The following UTRN variants were observed in gnomAD, a reference collection of about 807,000 sequenced individuals.
The protein encoded by UTRN is dystrophin-related protein 1.
UTRN carries 283 observed loss-of-function variants against 463.9 expected under a neutral mutation model. The observed-to-expected ratio is 0.61, with a 90% CI of 0.55 to 0.67. The LOEUF is 0.67. Among genes scored for constraint, UTRN ranks in the 30% least tolerant of loss-of-function variants. UTRN has a pLI of 0.00. For synonymous variants in UTRN, 1,442 were observed against 1,431.5 expected (o/e 1.01, Z -0.17); for missense variants, 3,922 against 4,084.3 (o/e 0.96, Z 1.08).
At chr6:144,442,692 C>T (rs1449529443) in intron 13 of UTRN, among the ~76,000 whole-genome samples, 1 of 152,114 alleles carries the variant, frequency 6.6e-6, no homozygotes, top group Admixed American at 6.6e-5. Context: ...ATAATGAGAA[C>T]AGCATGGGAA....
chr6:144,610,983 C>T (rs1411150685), intron 51 of UTRN, among the ~76,000 whole-genome samples: 1 of 152,138 alleles, frequency 6.6e-6, no homozygotes, highest in East Asian at 1.9e-4. Context: ...AAACCAAATT[C>T]AGGAGCACAT....
At chr6:144,826,161 A>AAAATAAATAAAT (rs372490067) in intron 66 of UTRN, among the ~76,000 whole-genome samples, 12,656 of 148,596 alleles carry the variant, frequency 0.085, 816 homozygotes, top group East Asian at 0.23. Flanking sequence ...AATAAAAGAA[A>AAAATAAATAAAT]AAATAAATAA....
intron 53 of UTRN, chr6:144,708,537 G>A (rs1448761031): frequency 5.8e-6 from 2 of 342,194 alleles, no homozygotes; most frequent in Non-Finnish European, 5.5e-6. Flanking sequence ...AAAAAACACA[G>A]TCCCTGTTTA....
chr6:144,677,044 T>C (rs1484091905), intron 51 of UTRN, among the ~76,000 whole-genome samples: 1 of 152,094 alleles, frequency 6.6e-6, no homozygotes, highest in African/African-American at 2.4e-5. Flanking sequence ...AGCTGGTACA[T>C]GAACTATAGA....
rs557957218 is a variant in UTRN at position 144,514,234 on chromosome 6, G to T, written c.5073+197G>T. Among the ~76,000 whole-genome samples the T allele has an allele frequency of 4.6e-5, 7 of 152,306 alleles. No homozygotes were observed. In the South Asian group the frequency reaches 1.5e-3, roughly 32 times the overall value. Reference sequence around the variant, plus strand: ...ACTTGAAATTGAAAGACTTGTAAGAGATTTCAGCACAATCAACCGGAGTAA... The same window carrying T: ...ACTTGAAATTGAAAGACTTGTAAGATATTTCAGCACAATCAACCGGAGTAA... On this transcript the variant is annotated intron_variant, in intron 36 of 74. Transcript: ENST00000367545.
intron 2 of UTRN, among the ~76,000 whole-genome samples, chr6:144,304,096 G>A (rs953411612): frequency 1.2e-4 from 19 of 152,196 alleles, no homozygotes; most frequent in Non-Finnish European, 2.8e-4. Context: ...ATGCTCTGCT[G>A]TGGAGGTTTT....
At chr6:144,623,811 A>G (rs1317751540) in intron 51 of UTRN, among the ~76,000 whole-genome samples, 1 of 152,174 alleles carries the variant, frequency 6.6e-6, no homozygotes, top group African/African-American at 2.4e-5. Flanking sequence ...ATTATCCTGC[A>G]TTGGTAGGGG....
chr6:144,356,166 C>T lies in UTRN; in HGVS notation c.80-46957C>T, dbSNP rs183001440. ...CATATGAATGACAATCATTACTTAT[C>T]GACATCTCAGGTTTTGTTAGATATG... On this transcript the variant is annotated intron_variant, in intron 2 of 74. Transcript: ENST00000367545. 4.6e-5 allele frequency among the ~76,000 whole-genome samples: 7 copies of T among 152,254 alleles called. No homozygotes were observed. In the East Asian group the frequency reaches 5.8e-4, roughly 13 times the overall value.
At position 144,751,885 on chromosome 6, in the gene UTRN, A is replaced by G; in HGVS notation, c.8288A>G (p.Asp2763Gly). ...NDLSSQLSPLDLHPSLKMSRQ... is the reference protein window; with the variant it reads ...NDLSSQLSPLGLHPSLKMSRQ... ...TTATCCAGTCAGCTGTCTCCACTTG[A>G]CCTGCATCCCTCTCTAAAGATGTCT... The change falls in exon 56 of 75, where the codon GAC (aspartate) becomes GGC (glycine). Residue 2763 changes from aspartate (D) to glycine (G), a missense_variant. Physicochemically the swap from Asp to Gly is moderately conservative, Grantham distance 94 (BLOSUM62 -1). Coordinates refer to ENST00000367545, the MANE Select transcript of UTRN (RefSeq NM_007124.3). The G allele has an allele frequency of 1.9e-6, 3 of 1,612,740 alleles. No individual in the cohort carries two copies. Among genetic ancestry groups the G allele is most frequent in the Non-Finnish European group, 2.5e-6 (3 of 1,179,360 alleles).
At chr6:144,808,347 T>C (rs1778327268) in intron 65 of UTRN, among the ~76,000 whole-genome samples, 1 of 152,216 alleles carries the variant, frequency 6.6e-6, no homozygotes, top group Non-Finnish European at 1.5e-5. Context: ...AAATAAATAG[T>C]TATATCTTAT....
intron 53 of UTRN, among the ~76,000 whole-genome samples, chr6:144,729,168 CATGAGATTTTCTGGATATAGAAA>C (rs1264385176): frequency 1.3e-5 from 2 of 152,158 alleles, no homozygotes; most frequent in Non-Finnish European, 2.9e-5. Context: ...TAAAGGCTAT[CATGAGATTTTCTGGATATAGAAA>C]ATGTAGCCCA....
chr6:144,398,063 T>A (rs568038815), intron 2 of UTRN: 92 of 239,352 alleles, frequency 3.8e-4, no homozygotes, highest in African/African-American at 2.1e-3. Context: ...TATTTCAATA[T>A]GGCGTCCGTG....
intron 46 of UTRN, 107 bp from the exon 47 acceptor site, chr6:144,548,533 A>G: frequency 9.2e-7 from 1 of 1,088,142 alleles, no homozygotes; most frequent in Non-Finnish European, 1.3e-6. Flanking sequence ...AATTTTTTTT[A>G]CTTAAACTAA....
intron 51 of UTRN, among the ~76,000 whole-genome samples, chr6:144,614,360 A>G (rs1805844628): frequency 2.0e-5 from 3 of 152,236 alleles, no homozygotes; most frequent in African/African-American, 4.8e-5. Context: ...CTACCAAATC[A>G]TAGGAAAAAA....
At chr6:144,445,846 T>G (rs6937775) in intron 14 of UTRN, among the ~76,000 whole-genome samples, 61,926 of 151,648 alleles carry the variant, frequency 0.41, 15,999 homozygotes, top group African/African-American at 0.72. Context: ...GACCAACATG[T>G]TGAAACCTGT....
At position 144,677,600 on chromosome 6, in the gene UTRN, G is replaced by A. The variant is rs190432058; in HGVS notation, c.7480-806G>A. Among the ~76,000 whole-genome samples the A allele has an allele frequency of 1.6e-3, 242 of 152,302 alleles. 1 individual carries two copies. In the Middle Eastern group the frequency reaches 0.02, roughly 13 times the overall value. On this transcript the variant is annotated intron_variant, in intron 51 of 74. Coordinates refer to ENST00000367545, the MANE Select transcript of UTRN (RefSeq NM_007124.3). ...TACATGTGCATTTGTCTGTATGGTA[G>A]AATGATTTATAATCCTTTGGGTATA...
intron 2 of UTRN, among the ~76,000 whole-genome samples, chr6:144,328,235 A>G (rs1776101334): frequency 6.6e-6 from 1 of 152,138 alleles, no homozygotes; most frequent in African/African-American, 2.4e-5. Context: ...ATGTTTATTA[A>G]GATATGCGTA....
chr6:144,453,936 C>A (rs1788571137), intron 19 of UTRN, 67 bp downstream of exon 19: 2 of 1,411,034 alleles, frequency 1.4e-6, no homozygotes, highest in East Asian at 4.7e-5. Context: ...TACAGTTTGC[C>A]CTATTAAATA....
At chr6:144,680,568 T>C (rs1462074940) in intron 52 of UTRN, among the ~76,000 whole-genome samples, 2 of 152,190 alleles carry the variant, frequency 1.3e-5, no homozygotes, top group Non-Finnish European at 2.9e-5. Flanking sequence ...TTCAAGCATG[T>C]AATAAAAACT....
Sources: allele counts gnomAD v4.1 joint callset (sites outside exome capture counted in the v4.1 genomes callset), GRCh38; gene constraint gnomAD v4.1.1; transcripts MANE v1.5; gene names NCBI Gene and HGNC (gene_info 2026-07-23, HGNC 2026-07-21).